CCDC18: variants seen among roughly 807,000 people sequenced by gnomAD.
CCDC18 encodes coiled-coil domain containing 18.
CCDC18 carries 157 observed loss-of-function variants against 196.0 expected under a neutral mutation model. The ratio of observed to expected loss-of-function variants is 0.80; its 90% CI spans 0.70 to 0.91. The LOEUF is 0.91. Ranked by LOEUF, CCDC18 falls within the 40% of genes least tolerant of loss-of-function variation. CCDC18 has a pLI of 0.00. For synonymous variants in CCDC18, 482 were observed against 529.2 expected (o/e 0.91, Z 1.22); for missense variants, 1,465 against 1,611.6 (o/e 0.91, Z 1.56).
At chr1:93,225,776 CAAA>C (rs34857910) in intron 16 of CCDC18, among the ~76,000 whole-genome samples, 2 of 130,398 alleles carry the variant, frequency 1.5e-5, no homozygotes, top group African/African-American at 2.7e-5. Flanking sequence ...GACTTTGTCT[CAAA>C]AAAAAAAAAA....
chr1:93,230,408 C>T (rs563534780), intron 17 of CCDC18, among the ~76,000 whole-genome samples: 25 of 150,972 alleles, frequency 1.7e-4, no homozygotes, highest in South Asian at 1.0e-3. Flanking sequence ...AGGAGAATGG[C>T]GTGAACCTGG....
chr1:93,191,162 C>G, intron 4 of CCDC18: 1 of 457,770 alleles, frequency 2.2e-6, no homozygotes, highest in South Asian at 2.2e-5. Context: ...TGGGATAACC[C>G]AAAATGAAAT....
rs1475636279 is a variant in CCDC18 at position 93,221,881 on chromosome 1, A to G, written c.2120A>G (p.Lys707Arg). Residue 707 changes from lysine to arginine, a missense_variant, in exon 16 of 29, where the codon AAG (lysine) becomes AGG (arginine). Physicochemically the swap from Lys to Arg is conservative, Grantham distance 26 (BLOSUM62 2). Coordinates refer to ENST00000690025, the MANE Select transcript of CCDC18 (RefSeq NM_001378204.1). ...TAGGAAATGAAAAAGGAAAATATGAAGAAAGATGAAGCTTTAAAAGCATTA... is the reference window on the plus strand; with the variant it reads ...TAGGAAATGAAAAAGGAAAATATGAGGAAAGATGAAGCTTTAAAAGCATTA... ...SKGEMKKENM[K>R]KDEALKALQN... is the part of the protein sequence containing the mutation. 2.5e-6 allele frequency: 4 copies of G among 1,602,840 alleles called. No homozygotes were observed. Among genetic ancestry groups the G allele is most frequent in the Non-Finnish European group, 3.4e-6 (4 of 1,172,880 alleles).
intron 6 of CCDC18, among the ~76,000 whole-genome samples, chr1:93,200,614 G>T (rs1300989714): frequency 6.6e-6 from 1 of 152,206 alleles, no homozygotes; most frequent in East Asian, 1.9e-4. Flanking sequence ...GAAGAAGTCA[G>T]GGGAATGGGA....
At chr1:93,214,653 A>G in intron 11 of CCDC18, 90 bp from the exon 12 acceptor site, 2 of 860,468 alleles carry the variant, frequency 2.3e-6, no homozygotes, top group Non-Finnish European at 3.6e-6. Flanking sequence ...CAGAAACTAA[A>G]CTTTGTTTAT....
intron 28 of CCDC18, among the ~76,000 whole-genome samples, chr1:93,274,524 C>T (rs1400865793): frequency 6.6e-6 from 1 of 151,976 alleles, no homozygotes; most frequent in African/African-American, 2.4e-5. Flanking sequence ...ATTCAATTAT[C>T]ATTGAAGATC....
intron 6 of CCDC18, 63 bp downstream of exon 6, chr1:93,193,807 A>G (rs1437117249): frequency 2.4e-6 from 3 of 1,272,344 alleles, no homozygotes; most frequent in Admixed American, 2.9e-5. Flanking sequence ...TTACCTATTT[A>G]AAATTCTAGT....
In CCDC18 at chr1:93,239,815, A is replaced by C; in HGVS notation, c.2900A>C (p.Glu967Ala). ...AAAAGTACTTTAAGACAACTCCAGG[A>C]ATTGAGAGATGTACTACAGAAGGCT... Reference protein sequence around the residue: ...ELKSTLRQLQELRDVLQKAQL... With the variant: ...ELKSTLRQLQALRDVLQKAQL... Residue 967 changes from glutamate to alanine, a missense_variant, in exon 21 of 29, where the codon GAA becomes GCA. Physicochemically the swap from Glu to Ala is moderately radical, Grantham distance 107 (BLOSUM62 -1). Coordinates refer to ENST00000690025, the MANE Select transcript of CCDC18 (RefSeq NM_001378204.1). 1 of 1,613,384 alleles carries C rather than the reference A, an allele frequency of 6.2e-7. No homozygotes were observed.
Position 93,254,667 on chromosome 1 carries a change from A to G in CCDC18, c.3342+53A>G, listed in dbSNP as rs1662699685. ...CAAGTGGTAGTCTCTGTTGAGTGAA[A>G]TGAATCTTTATGTTTTAAACTGGTT... On this transcript the variant is annotated intron_variant, in intron 24 of 28. Transcript: ENST00000690025. The G allele has an allele frequency of 4.0e-6, 6 of 1,483,898 alleles. No individual in the cohort carries two copies. The South Asian group carries it at 7.2e-5, about 18-fold the overall frequency. 91.9% of individuals were successfully genotyped at this position (1,483,898 alleles called of 1,614,324 possible).
chr1:93,244,779 A>T (rs1057109654), intron 21 of CCDC18, among the ~76,000 whole-genome samples: 10 of 152,162 alleles, frequency 6.6e-5, no homozygotes, highest in African/African-American at 2.4e-4. Context: ...ACAAAGCCTT[A>T]TGTGGTCTGG....
In CCDC18 at chr1:93,256,482, G is replaced by A. The variant is rs1366138742; in HGVS notation, c.3490G>A (p.Glu1164Lys). Reference protein sequence around the residue: ...ARHQQVQAQREIERLSSELED... With the variant: ...ARHQQVQAQRKIERLSSELED... ...TCATCAGCAAGTCCAAGCACAGAGA[G>A]AAATAGAAAGGCTCTCTAGTGAACT... The change falls in exon 25 of 29, where the codon GAA becomes AAA. Residue 1164 changes from glutamate to lysine, a missense_variant. Glu to Lys is a moderately conservative substitution (Grantham distance 56, BLOSUM62 1). Transcript: ENST00000690025. 2 of 1,614,038 alleles carry A rather than the reference G, an allele frequency of 1.2e-6. No individual in the cohort carries two copies. The highest frequency in any genetic ancestry group is 1.1e-5 in the South Asian group (1 of 91,078).
chr1:93,227,965 A>ATATATATATATATAT, intron 17 of CCDC18, among the ~76,000 whole-genome samples: 1 of 115,346 alleles, frequency 8.7e-6, no homozygotes, highest in Admixed American at 8.7e-5. Context: ...CTCAAAAAAA[A>ATATATATATATATAT]AAAAAAATAT....
Position 93,201,937 on chromosome 1 carries a change from G to C in CCDC18, c.744G>C (p.Leu248=). ...AAGCACTATATAATGCCGAAGAGCTGAGTAAAGCTTTCCAACAATATAAAA... is the reference window on the plus strand; with the variant it reads ...AAGCACTATATAATGCCGAAGAGCTCAGTAAAGCTTTCCAACAATATAAAA... ...RNEALYNAEE[L]SKAFQQYKKK... The change falls in exon 7 of 29, where the codon CTG becomes CTC. Residue 248 remains leucine (L), a synonymous_variant. Coordinates refer to ENST00000690025, the MANE Select transcript of CCDC18 (RefSeq NM_001378204.1). 1.9e-6 allele frequency: 3 copies of C among 1,609,950 alleles called. No individual in the cohort carries two copies. Among genetic ancestry groups the C allele is most frequent in the Non-Finnish European group, 2.5e-6 (3 of 1,178,356 alleles).
chr1:93,187,613 T>C (rs1650947001), intron 4 of CCDC18, among the ~76,000 whole-genome samples: 1 of 152,122 alleles, frequency 6.6e-6, no homozygotes, highest in Admixed American at 6.5e-5. Flanking sequence ...AGAGGAGTTA[T>C]GGGAAGACTT....
rs756484842 is a variant in CCDC18, at chr1:93,270,607, A to C, written c.4146A>C (p.Gln1382His). Residue 1382 changes from glutamine to histidine, a missense_variant, in exon 28 of 29, where the codon CAA becomes CAC. Gln to His is a conservative substitution (Grantham distance 24). Transcript: ENST00000690025. ...EELLQDLKKM[Q>H]LEQPSTLEES... ...TACTACAGGACTTAAAGAAAATGCAATTAGAACAGCCTTCAACATTAGAAG... is the reference window on the plus strand; with the variant it reads ...TACTACAGGACTTAAAGAAAATGCACTTAGAACAGCCTTCAACATTAGAAG... 1 of 1,550,456 alleles carries C rather than the reference A, an allele frequency of 6.4e-7. No homozygotes were observed. Among genetic ancestry groups the C allele is most frequent in the South Asian group, 1.2e-5 (1 of 84,058 alleles).
chr1:93,250,735 T>TTTTTTTTTTTTTTTTTTTTTTTTGAG (rs1662125198), intron 23 of CCDC18, among the ~76,000 whole-genome samples: 1 of 152,196 alleles, frequency 6.6e-6, no homozygotes, highest in African/African-American at 2.4e-5. Flanking sequence ...TGTCTCTTTC[T>TTTTTTTTTTTTTTTTTTTTTTTTGAG]ACTGTCTTTG....
At chr1:93,258,466 G>A (rs1377729475) in intron 25 of CCDC18, among the ~76,000 whole-genome samples, 1 of 152,146 alleles carries the variant, frequency 6.6e-6, no homozygotes, top group East Asian at 1.9e-4. Context: ...TTATCTGCCA[G>A]AGTTCAGTGT....
chr1:93,180,980 T>C, intron 1 of CCDC18, 128 bp downstream of exon 1: 1 of 921,200 alleles, frequency 1.1e-6, no homozygotes, highest in South Asian at 1.3e-5. Flanking sequence ...CTGGTCCTCG[T>C]GGTTGCTGAG....
At chr1:93,215,791 G>C (rs1226270463) in intron 12 of CCDC18, among the ~76,000 whole-genome samples, 1 of 152,112 alleles carries the variant, frequency 6.6e-6, no homozygotes, top group African/African-American at 2.4e-5. Context: ...TATTTCTGCT[G>C]TTTAAAGAGT....
Sources: gnomAD v4.1 joint callset for allele counts (sites outside exome capture counted in the v4.1 genomes callset) on GRCh38, gnomAD v4.1.1 for gene constraint, MANE v1.5 for transcripts, NCBI Gene and HGNC (gene_info 2026-07-23, HGNC 2026-07-21) for gene names.